Variants in RUFY1 observed in about 807,000 individuals in gnomAD.
The protein encoded by RUFY1 is RUN and FYVE domain containing 1.
Under a neutral mutation model 94.6 loss-of-function variants are expected in RUFY1, and 54 were observed. The observed-to-expected ratio is 0.57, with a 90% CI of 0.46 to 0.72. The LOEUF is 0.72. Ranked by LOEUF, RUFY1 falls within the 30% of genes least tolerant of loss-of-function variation. The pLI is 0.00. For synonymous variants in RUFY1, 396 were observed against 347.3 expected, an observed-to-expected ratio of 1.14 and a Z score of -1.56; for missense variants, 883 against 883.9, an observed-to-expected ratio of 1.00 and a Z score of 0.01.
chr5:179,599,416 C>G (rs1312356678), intron 14 of RUFY1: 1 of 152,704 alleles, frequency 6.5e-6, no homozygotes, highest in African/African-American at 2.4e-5. Flanking sequence ...TCACCTCAGC[C>G]ACTGTGCCCA....
rs1762326968 is a variant in RUFY1 at position 179,560,098 on chromosome 5, C to T, written c.384C>T (p.Leu128=). The T allele has an allele frequency of 6.2e-7, 1 of 1,614,040 alleles. No homozygotes were observed. The highest frequency in any genetic ancestry group is 1.1e-5 in the South Asian group (1 of 91,060). ...TGAAACTCAGCATCAAGGTGTTGCTCCAGTCGGCTCTGAGCCTGGGCCGCA... is the reference window on the plus strand; with the variant it reads ...TGAAACTCAGCATCAAGGTGTTGCTTCAGTCGGCTCTGAGCCTGGGCCGCA... ...HMMKLSIKVL[L]QSALSLGRSL... is the part of the protein sequence containing the mutation. Residue 128 remains leucine, a synonymous_variant, in exon 2 of 18, where the codon CTC becomes CTT. Coordinates refer to ENST00000319449, the MANE Select transcript of RUFY1 (RefSeq NM_025158.5).
chr5:179,607,720 TTC>T, intron 17 of RUFY1, 61 bp downstream of exon 17: 4 of 1,425,672 alleles, frequency 2.8e-6, no homozygotes, highest in Non-Finnish European at 4.0e-6. Context: ...GGATTCCCCT[TTC>T]TCTGGTTCCA....
intron 8 of RUFY1, among the ~76,000 whole-genome samples, chr5:179,587,482 C>G (rs1202020144): frequency 1.3e-5 from 2 of 150,328 alleles, no homozygotes; most frequent in Non-Finnish European, 3.0e-5. Flanking sequence ...AGCTCCACCT[C>G]CCGGGTTCAC....
chr5:179,564,369 C>T (rs1347247629), intron 3 of RUFY1, among the ~76,000 whole-genome samples: 2 of 151,712 alleles, frequency 1.3e-5, no homozygotes, highest in Non-Finnish European at 2.9e-5. Flanking sequence ...ATCCATCTGC[C>T]TCAGCCTCCC....
chr5:179,562,527 A>G lies in RUFY1; in HGVS notation c.485-20A>G. The G allele has an allele frequency of 2.0e-6, 3 of 1,467,770 alleles. No homozygotes were observed. Among genetic ancestry groups the G allele is most frequent in the African/African-American group, 1.4e-5 (1 of 71,940 alleles). The allele number at this position is 1,467,770 out of a possible 1,614,324, so 90.9% of individuals were successfully genotyped here. A position where few individuals can be genotyped will look rare whatever the true frequency, so the allele number is the denominator to read the frequency against. On this transcript the variant is annotated intron_variant, in intron 2 of 17. Coordinates refer to ENST00000319449, the MANE Select transcript of RUFY1 (RefSeq NM_025158.5). ...TTTGCAACCTGTTCTTATGAATAAC[A>G]CTTTTGTTTTTCCTTTTAGTTAAGA...
At chr5:179,560,556 A>AC (rs1762372305) in intron 2 of RUFY1, among the ~76,000 whole-genome samples, 1 of 67,436 alleles carries the variant, frequency 1.5e-5, no homozygotes, top group Non-Finnish European at 5.1e-5. Context: ...GGTCTCTACT[A>AC]AAAAAAAAAA....
intron 14 of RUFY1, 66 bp downstream of exon 14, chr5:179,598,887 G>T: frequency 6.3e-7 from 1 of 1,581,674 alleles, no homozygotes; most frequent in South Asian, 1.1e-5. Flanking sequence ...ACATGCTCCG[G>T]GCAGGCTCCT....
intron 5 of RUFY1, among the ~76,000 whole-genome samples, chr5:179,576,850 T>A (rs943991369): frequency 6.6e-6 from 1 of 152,208 alleles, no homozygotes; most frequent in Non-Finnish European, 1.5e-5. Flanking sequence ...GTCGTGAAAT[T>A]TCAGAATAGT....
rs141042003 is a variant in RUFY1, at chr5:179,601,918, G to A, written c.1788G>A (p.Lys596=). ...KKELRELQDE[K]AELQKICEEQ... is the part of the protein sequence containing the mutation. ...AGTTGCGGGAGCTTCAGGACGAGAA[G>A]GCAGAGCTGCAGAAGATCTGCGAGG... Residue 596 remains lysine (K), a synonymous_variant, in exon 15 of 18, where the codon AAG becomes AAA. Transcript: ENST00000319449. 131 of 1,613,834 alleles carry A rather than the reference G, an allele frequency of 8.1e-5. No homozygotes were observed. In the East Asian group the frequency reaches 1.7e-3, roughly 21 times the overall value.
chr5:179,579,506 A>T (rs968414214), intron 6 of RUFY1, among the ~76,000 whole-genome samples: 1 of 151,018 alleles, frequency 6.6e-6, no homozygotes, highest in Non-Finnish European at 1.5e-5. Context: ...AATTTTTTGT[A>T]TTTTTAGTAG....
At chr5:179,592,002 A>T (rs1765156785) in intron 10 of RUFY1, among the ~76,000 whole-genome samples, 1 of 151,926 alleles carries the variant, frequency 6.6e-6, no homozygotes, top group Admixed American at 6.6e-5. Context: ...CTGGAGTGCG[A>T]TGGCGCGATC....
chr5:179,606,523 C>T (rs1052441286), intron 16 of RUFY1: 1 of 157,772 alleles, frequency 6.3e-6, no homozygotes, highest in African/African-American at 2.4e-5. Context: ...ACAGCCTTGC[C>T]TGCAGGAGCA....
chr5:179,609,552 A>G lies in RUFY1; in HGVS notation c.*33A>G, dbSNP rs750230049. On this transcript the variant is annotated 3_prime_UTR_variant, in exon 18 of 18. Transcript: ENST00000319449. Reference sequence around the variant, plus strand: ...TCCTCAGGAGCACAGCCTCACGGACAGTGCCAAACCCTGTGGGTCTCCAGG... The same window carrying G: ...TCCTCAGGAGCACAGCCTCACGGACGGTGCCAAACCCTGTGGGTCTCCAGG... The G allele has an allele frequency of 2.6e-6, 4 of 1,561,768 alleles. No individual in the cohort carries two copies. In the South Asian group the frequency reaches 4.6e-5, roughly 18 times the overall value.
chr5:179,595,562 T>A (rs1441464773), intron 12 of RUFY1, among the ~76,000 whole-genome samples: 2 of 151,710 alleles, frequency 1.3e-5, no homozygotes, highest in Non-Finnish European at 1.5e-5. Flanking sequence ...TGTTTTTTTT[T>A]TTTTTTGAGC....
chr5:179,550,562 CGGCCAAGAT>C lies in RUFY1; in HGVS notation c.-3_6del. ...CGCCCGCCCGCTGGGTCACATGACACGGCCAAGATGGCCGACCGGGAAGGCGGCTGCGCT... is the reference window on the plus strand; with the variant it reads ...CGCCCGCCCGCTGGGTCACATGACACGGCCGACCGGGAAGGCGGCTGCGCT... On this transcript the variant is annotated start_lost and 5_prime_UTR_variant, in exon 1 of 18. Coordinates refer to ENST00000319449, the MANE Select transcript of RUFY1 (RefSeq NM_025158.5). 1 of 1,284,738 alleles carries C rather than the reference CGGCCAAGAT, an allele frequency of 7.8e-7. No homozygotes were observed. The highest frequency in any genetic ancestry group is 9.8e-7 in the Non-Finnish European group (1 of 1,017,266). 79.6% of individuals were successfully genotyped at this position (1,284,738 alleles called of 1,614,324 possible).
intron 10 of RUFY1, among the ~76,000 whole-genome samples, chr5:179,592,488 G>A (rs1239317651): frequency 2.0e-5 from 3 of 152,106 alleles, no homozygotes; most frequent in Admixed American, 6.6e-5. Flanking sequence ...TCCTGACCTC[G>A]TGATCCACCT....
intron 5 of RUFY1, among the ~76,000 whole-genome samples, chr5:179,571,594 G>C (rs941133711): frequency 6.6e-6 from 1 of 151,912 alleles, no homozygotes; most frequent in African/African-American, 2.4e-5. Flanking sequence ...ATTTGGGGTT[G>C]TTGTGTCAAA....
intron 7 of RUFY1, among the ~76,000 whole-genome samples, chr5:179,581,654 G>C (rs962671930): frequency 6.6e-6 from 1 of 151,562 alleles, no homozygotes; most frequent in Non-Finnish European, 1.5e-5. Flanking sequence ...GTGCAGTTAC[G>C]GACACATTGC....
chr5:179,598,078 T>C (rs1409584858), intron 13 of RUFY1, among the ~76,000 whole-genome samples: 1 of 152,132 alleles, frequency 6.6e-6, no homozygotes, highest in Non-Finnish European at 1.5e-5. Context: ...TAATCCCAGC[T>C]ACTAGGGAGG....
Sources: gnomAD v4.1 joint callset for allele counts (sites outside exome capture counted in the v4.1 genomes callset) on GRCh38, gnomAD v4.1.1 for gene constraint, MANE v1.5 for transcripts, NCBI Gene and HGNC (gene_info 2026-07-23, HGNC 2026-07-21) for gene names.